MRPS18A: variants seen among roughly 807,000 people sequenced by gnomAD.
MRPS18A encodes the protein mitochondrial ribosomal protein S18A.
In MRPS18A, 20 loss-of-function variants were observed where a neutral mutation model predicts 22.7. That is an observed-to-expected ratio of 0.88 (90% CI 0.62 to 1.28). The LOEUF is 1.28. Among genes scored for constraint, MRPS18A ranks in the 50% most tolerant of loss-of-function variants. MRPS18A has a pLI of 0.00. For synonymous variants in MRPS18A, 106 were observed against 99.1 expected (o/e 1.07, Z -0.41); for missense variants, 294 against 262.6 (o/e 1.12, Z -0.83).
intron 5 of MRPS18A, chr6:43,672,268 G>T (rs192606049): frequency 6.8e-6 from 3 of 443,506 alleles, no homozygotes; most frequent in Non-Finnish European, 1.4e-5. Flanking sequence ...GAGAAGAGCT[G>T]ATGTAAGGCT....
chr6:43,678,490 A>G (rs1457520211), intron 3 of MRPS18A, 28 bp downstream of exon 3: 1 of 1,521,218 alleles, frequency 6.6e-7, no homozygotes, highest in Non-Finnish European at 9.1e-7. Context: ...TGACACACAG[A>G]ACCGAGTGTC....
chr6:43,686,299 T>C (rs928874001), intron 1 of MRPS18A, among the ~76,000 whole-genome samples: 4 of 152,210 alleles, frequency 2.6e-5, no homozygotes, highest in African/African-American at 9.7e-5. Context: ...CAAAATGGTA[T>C]GGAGATATGC....
In MRPS18A at chr6:43,681,114, T is replaced by C. The variant is rs147888414; in HGVS notation, c.119A>G (p.Glu40Gly). 1.7e-5 allele frequency: 27 copies of C among 1,613,390 alleles called. No individual in the cohort carries two copies. Among genetic ancestry groups the C allele is most frequent in the Non-Finnish European group, 2.3e-5 (27 of 1,179,510 alleles). Residue 40 changes from glutamate (E) to glycine (G), a missense_variant, in exon 2 of 6, where the codon GAG becomes GGG. Coordinates refer to ENST00000372133, the MANE Select transcript of MRPS18A (RefSeq NM_018135.4). ...TATAGTTGTCTTCCCTTCTTGGGTC[T>C]CCACCACTACGGAGATAAAGGGGGA... ...LPARGFREVVETQEGKTTIIE... is the reference protein window; with the variant it reads ...LPARGFREVVGTQEGKTTIIE...
chr6:43,671,446 C>T lies in MRPS18A; in HGVS notation c.*316G>A. On this transcript the variant is annotated 3_prime_UTR_variant, in exon 6 of 6. Transcript: ENST00000372133. ...CACTTCCCAAGCAGTGAGCGCACAC[C>T]CAATGGGTAAGCCCATGAACCCAGT... 2.2e-6 allele frequency: 1 copy of T among 454,274 alleles called. No individual in the cohort carries two copies. Among genetic ancestry groups the T allele is most frequent in the Non-Finnish European group, 4.0e-6 (1 of 250,100 alleles). The allele number at this position is 454,274 out of a possible 1,614,324, so 28.1% of individuals were successfully genotyped here.
chr6:43,681,623 A>G (rs530657124), intron 1 of MRPS18A, among the ~76,000 whole-genome samples: 1 of 152,362 alleles, frequency 6.6e-6, no homozygotes, highest in South Asian at 2.1e-4. Context: ...CCAGTGAATG[A>G]GCAAAAAGAC....
Position 43,671,705 on chromosome 6 carries a change from T to C in MRPS18A, c.*57A>G. ...ATAGTTGTGGCCAAGGGCTTGTGAG[T>C]GGGCCTCCTACTCCCCAGCACAGGT... On this transcript the variant is annotated 3_prime_UTR_variant, in exon 6 of 6. Transcript: ENST00000372133. 1 of 1,604,268 alleles carries C rather than the reference T, an allele frequency of 6.2e-7. No homozygotes were observed. Among genetic ancestry groups the C allele is most frequent in the Non-Finnish European group, 8.5e-7 (1 of 1,172,098 alleles).
chr6:43,671,581 T>C lies in MRPS18A; in HGVS notation c.*181A>G, dbSNP rs1773697541. The C allele has an allele frequency of 1.5e-6, 1 of 682,194 alleles. No individual in the cohort carries two copies. The highest frequency in any genetic ancestry group is 2.4e-6 in the Non-Finnish European group (1 of 408,196). The allele number at this position is 682,194 out of a possible 1,614,324, so 42.3% of individuals were successfully genotyped here. ...CCCTGCCTGCCTCTAGCTCCCAGCA[T>C]TGCTACTGTGCAGGCCAAGGGTACT... On this transcript the variant is annotated 3_prime_UTR_variant, in exon 6 of 6. Transcript: ENST00000372133.
At chr6:43,681,209 A>T in intron 1 of MRPS18A, 89 bp from the exon 2 acceptor site, 1 of 1,364,278 alleles carries the variant, frequency 7.3e-7, no homozygotes, top group Non-Finnish European at 1.0e-6. Context: ...CACATCTGGA[A>T]AAAAGCAGCC....
rs144606291 is a variant in MRPS18A, at chr6:43,675,534, G to A, written c.336C>T (p.His112=). The A allele has an allele frequency of 1.9e-5, 31 of 1,614,070 alleles. No individual in the cohort carries two copies. The highest frequency in any genetic ancestry group is 2.5e-5 in the Non-Finnish European group (30 of 1,180,044). Residue 112 remains histidine (H), a synonymous_variant, in exon 4 of 6, where the codon CAC becomes CAT. Coordinates refer to ENST00000372133, the MANE Select transcript of MRPS18A (RefSeq NM_018135.4). ...TCTTCACACACTCCTCGATCTTGCG[G>A]TGTTCTTCCTGGCATAGGCCTGTGA... ...RKITGLCQEE[H]RKIEECVKMA...
chr6:43,685,415 T>C (rs563814732), intron 1 of MRPS18A, among the ~76,000 whole-genome samples: 52 of 152,322 alleles, frequency 3.4e-4, no homozygotes, highest in African/African-American at 1.1e-3. Flanking sequence ...TGGTTCTTTG[T>C]TGTGGGGAAC....
At chr6:43,686,686 A>C (rs984574983) in intron 1 of MRPS18A, among the ~76,000 whole-genome samples, 1 of 152,198 alleles carries the variant, frequency 6.6e-6, no homozygotes, top group African/African-American at 2.4e-5. Context: ...GATACTTCTC[A>C]GCTTTCGTTA....
intron 2 of MRPS18A, among the ~76,000 whole-genome samples, chr6:43,680,812 C>A (rs982650244): frequency 2.6e-5 from 4 of 152,182 alleles, no homozygotes; most frequent in African/African-American, 7.2e-5. Flanking sequence ...ATTCAACACC[C>A]GCCAAAGAGC....
At chr6:43,682,164 T>C (rs1442947829) in intron 1 of MRPS18A, among the ~76,000 whole-genome samples, 1 of 152,106 alleles carries the variant, frequency 6.6e-6, no homozygotes, top group African/African-American at 2.4e-5. Context: ...CCAGGCATGG[T>C]GGCATGCACT....
chr6:43,677,474 G>A (rs1184156945), intron 3 of MRPS18A, among the ~76,000 whole-genome samples: 1 of 152,134 alleles, frequency 6.6e-6, no homozygotes, highest in Non-Finnish European at 1.5e-5. Flanking sequence ...AGGTCAAACT[G>A]GCCCAGAGCC....
chr6:43,674,494 G>A lies in MRPS18A; in HGVS notation c.446+708C>T, dbSNP rs146676433. ...ACAGACCTGGCTCTACTCTCAACAA[G>A]GGGATACTAGAGATCTAAGACTATG... On this transcript the variant is annotated intron_variant, in intron 5 of 5. Coordinates refer to ENST00000372133, the MANE Select transcript of MRPS18A (RefSeq NM_018135.4). 1.6e-4 allele frequency among the ~76,000 whole-genome samples: 25 copies of A among 152,302 alleles called. No homozygotes were observed. In the South Asian group the frequency reaches 1.9e-3, roughly 11 times the overall value.
In MRPS18A at chr6:43,671,827, C is replaced by G. The variant is rs368981865; in HGVS notation, c.526G>C (p.Val176Leu). The G allele has an allele frequency of 3.7e-6, 6 of 1,614,060 alleles. No homozygotes were observed. The highest frequency in any genetic ancestry group is 5.1e-6 in the Non-Finnish European group (6 of 1,180,034). ...TTGTCCCTCAGAAGGGGTGACCCCA[C>G]GGGCATGCGCACCCTGTTCCAGCGG... Reference protein sequence around the residue: ...GPRWNRVRMPVGSPLLRDNVC... With the variant: ...GPRWNRVRMPLGSPLLRDNVC... The change falls in exon 6 of 6, where the codon GTG (valine) becomes CTG (leucine). Residue 176 changes from valine to leucine, a missense_variant. Physicochemically the swap from Val to Leu is conservative, Grantham distance 32. Coordinates refer to ENST00000372133, the MANE Select transcript of MRPS18A (RefSeq NM_018135.4).
chr6:43,672,021 C>T (rs898365916), intron 5 of MRPS18A, 115 bp from the exon 6 acceptor site: 6 of 1,235,174 alleles, frequency 4.9e-6, no homozygotes, highest in Non-Finnish European at 6.6e-6. Context: ...AATCCTTTCA[C>T]CAGTTTCCCT....
intron 3 of MRPS18A, among the ~76,000 whole-genome samples, chr6:43,677,895 G>A (rs1309040175): frequency 6.6e-6 from 1 of 152,166 alleles, no homozygotes; most frequent in East Asian, 1.9e-4. Context: ...GACTGCACTA[G>A]AAGAGCTTGA....
chr6:43,677,653 T>C (rs1457877209), intron 3 of MRPS18A, among the ~76,000 whole-genome samples: 2 of 152,290 alleles, frequency 1.3e-5, no homozygotes, highest in Admixed American at 1.3e-4. Context: ...CTTTCGTCCC[T>C]GGAGTTTGTA....
Sources: gnomAD v4.1 joint callset for allele counts (sites outside exome capture counted in the v4.1 genomes callset) on GRCh38, gnomAD v4.1.1 for gene constraint, MANE v1.5 for transcripts, NCBI Gene and HGNC (gene_info 2026-07-23, HGNC 2026-07-21) for gene names.